The following FSHB variants were observed in gnomAD, a reference collection of about 807,000 sequenced individuals.
The protein encoded by FSHB is follitropin subunit beta.
A neutral mutation model predicts 12.1 loss-of-function variants in FSHB; 8 were observed. The observed-to-expected ratio is 0.66, with a 90% CI of 0.39 to 1.19. The LOEUF (loss-of-function observed/expected upper bound fraction) is 1.19, where lower values mean the gene tolerates loss of function less well. FSHB is among the 50% of genes most tolerant of loss of function. FSHB has a pLI of 0.01. For synonymous variants in FSHB, 55 were observed against 54.6 expected (o/e 1.01, Z -0.04); for missense variants, 153 against 157.2 (o/e 0.97, Z 0.14).
Position 30,233,677 on chromosome 11 carries a change from T to C in FSHB, c.267T>C (p.Asp89=), listed in dbSNP as rs1375387420. The C allele has an allele frequency of 1.2e-6, 2 of 1,614,014 alleles. No homozygotes were observed. The highest frequency in any genetic ancestry group is 2.2e-5 in the East Asian group (1 of 44,840). The change falls in exon 3 of 3, where the codon GAT becomes GAC. Residue 89 remains aspartate, a synonymous_variant. Coordinates refer to ENST00000533718, the MANE Select transcript of FSHB (RefSeq NM_001382289.1). Reference sequence around the variant, plus strand: ...TGCCCGGCTGTGCTCACCATGCAGATTCCTTGTATACATACCCAGTGGCCA... The same window carrying C: ...TGCCCGGCTGTGCTCACCATGCAGACTCCTTGTATACATACCCAGTGGCCA... ...VRVPGCAHHA[D]SLYTYPVATQ...
At position 30,233,961 on chromosome 11, in the gene FSHB, G is replaced by C; in HGVS notation, c.*161G>C. The C allele has an allele frequency of 3.0e-6, 2 of 675,218 alleles. No individual in the cohort carries two copies. Among genetic ancestry groups the C allele is most frequent in the South Asian group, 1.6e-5 (1 of 60,862 alleles). 41.8% of individuals were successfully genotyped at this position (675,218 alleles called of 1,614,324 possible). A position where few individuals can be genotyped will look rare whatever the true frequency, so the allele number is the denominator to read the frequency against. ...TGGCAGAGGGAACTCTGGGAATTGAGAGTGCTGGGGGCCAGGACTCCATCA... is the reference window on the plus strand; with the variant it reads ...TGGCAGAGGGAACTCTGGGAATTGACAGTGCTGGGGGCCAGGACTCCATCA... On this transcript the variant is annotated 3_prime_UTR_variant, in exon 3 of 3. Coordinates refer to ENST00000533718, the MANE Select transcript of FSHB (RefSeq NM_001382289.1).
In FSHB at chr11:30,233,684, T is replaced by A. The variant is rs1002953516; in HGVS notation, c.274T>A (p.Tyr92Asn). The change falls in exon 3 of 3, where the codon TAT becomes AAT. Residue 92 changes from tyrosine to asparagine, a missense_variant. Transcript: ENST00000533718. ...PGCAHHADSL[Y>N]TYPVATQCHC... The stretch of plus-strand genomic sequence containing the variant: ...CTGTGCTCACCATGCAGATTCCTTG[T>A]ATACATACCCAGTGGCCACCCAGTG... 1 of 1,614,050 alleles carries A rather than the reference T, an allele frequency of 6.2e-7. No individual in the cohort carries two copies.
intron 2 of FSHB, 124 bp downstream of exon 2, chr11:30,232,185 C>T: frequency 5.1e-6 from 5 of 981,298 alleles, no homozygotes; most frequent in Non-Finnish European, 7.8e-6. Flanking sequence ...TTAGCCAAGA[C>T]TGTCTGTGTT....
At position 30,233,513 on chromosome 11, in the gene FSHB, A is replaced by G. The variant is rs779966475; in HGVS notation, c.160-57A>G. On this transcript the variant is annotated intron_variant, in intron 2 of 2. Transcript: ENST00000533718. ...ATTCAATTTCTGTCTCATTTTGACT[A>G]AGCTAAATAGGAACTTCCACAATAC... is the stretch of plus-strand genomic sequence containing the variant. 6.1e-5 allele frequency: 84 copies of G among 1,375,834 alleles called. No individual in the cohort carries two copies. In the Middle Eastern group the frequency reaches 2.7e-3, roughly 44 times the overall value. 85.2% of individuals were successfully genotyped at this position (1,375,834 alleles called of 1,614,324 possible).
chr11:30,233,501 C>T (rs985306888), intron 2 of FSHB, 69 bp from the exon 3 acceptor site: 12 of 1,235,020 alleles, frequency 9.7e-6, no homozygotes, highest in Non-Finnish European at 1.4e-5. Context: ...CAATTTCTGT[C>T]TCATTTTGAC....
At chr11:30,231,548 A>G (rs1195624714) in intron 1 of FSHB, among the ~76,000 whole-genome samples, 1 of 152,206 alleles carries the variant, frequency 6.6e-6, no homozygotes, top group African/African-American at 2.4e-5. Flanking sequence ...CTTTAAAATA[A>G]TAATGGAAGA....
chr11:30,233,707 G>T lies in FSHB; in HGVS notation c.297G>T (p.Gln99His). 1 of 1,614,022 alleles carries T rather than the reference G, an allele frequency of 6.2e-7. No homozygotes were observed. Among genetic ancestry groups the T allele is most frequent in the Non-Finnish European group, 8.5e-7 (1 of 1,179,952 alleles). Residue 99 changes from glutamine (Q) to histidine (H), a missense_variant, in exon 3 of 3, where the codon CAG (glutamine) becomes CAT (histidine). Transcript: ENST00000533718. ...TGTATACATACCCAGTGGCCACCCA[G>T]TGTCACTGTGGCAAGTGTGACAGCG... ...DSLYTYPVAT[Q>H]CHCGKCDSDS... is the part of the protein sequence containing the mutation.
Position 30,234,034 on chromosome 11 carries a change from T to A in FSHB, c.*234T>A. ...GTCTGATTTCATAAGGTTTATTCAG[T>A]CTTAACTCACAGACTTGTGCCTGGT... On this transcript the variant is annotated 3_prime_UTR_variant, in exon 3 of 3. Coordinates refer to ENST00000533718, the MANE Select transcript of FSHB (RefSeq NM_001382289.1). The A allele has an allele frequency of 1.9e-6, 1 of 517,254 alleles. No individual in the cohort carries two copies. Among genetic ancestry groups the A allele is most frequent in the South Asian group, 2.1e-5 (1 of 48,250 alleles). 32.0% of individuals were successfully genotyped at this position (517,254 alleles called of 1,614,324 possible).
At chr11:30,232,719 C>T (rs1852025372) in intron 2 of FSHB, among the ~76,000 whole-genome samples, 1 of 152,142 alleles carries the variant, frequency 6.6e-6, no homozygotes, top group Non-Finnish European at 1.5e-5. Flanking sequence ...TTCCATGGTG[C>T]TTTCTTTTTT....
intron 2 of FSHB, among the ~76,000 whole-genome samples, chr11:30,233,282 G>A (rs934507489): frequency 6.6e-6 from 1 of 151,972 alleles, no homozygotes; most frequent in Admixed American, 6.6e-5. Context: ...TTAAAATCCT[G>A]TCATGTTTTT....
rs753590882 is a variant in FSHB, at chr11:30,234,275, G to A, written c.*475G>A. 5.5e-6 allele frequency: 1 copy of A among 180,242 alleles called. No homozygotes were observed. The highest frequency in any genetic ancestry group is 5.4e-5 in the Admixed American group (1 of 18,398). 11.2% of individuals were successfully genotyped at this position (180,242 alleles called of 1,614,324 possible). A position where few individuals can be genotyped will look rare whatever the true frequency, so the allele number is the denominator to read the frequency against. ...GCCTGGAACTTAGAAACACAACAAT[G>A]ACTTCTTTAGATCAGAAAGGTCAAG... On this transcript the variant is annotated 3_prime_UTR_variant, in exon 3 of 3. Coordinates refer to ENST00000533718, the MANE Select transcript of FSHB (RefSeq NM_001382289.1).
chr11:30,231,968 G>A lies in FSHB; in HGVS notation c.66G>A (p.Glu22=). The part of the protein sequence containing the change: ...CWKAICCNSC[E]LTNITIAIEK... ...AAGCAATCTGCTGCAATAGCTGTGA[G>A]CTGACCAACATCACCATTGCAATAG... is the stretch of plus-strand genomic sequence containing the variant. The change falls in exon 2 of 3, where the codon GAG becomes GAA. Residue 22 remains glutamate, a synonymous_variant. Transcript: ENST00000533718. 2.5e-6 allele frequency: 4 copies of A among 1,613,954 alleles called. No individual in the cohort carries two copies. The highest frequency in any genetic ancestry group is 3.4e-6 in the Non-Finnish European group (4 of 1,179,886).
At chr11:30,233,419 A>C in intron 2 of FSHB, 151 bp from the exon 3 acceptor site, 1 of 670,098 alleles carries the variant, frequency 1.5e-6, no homozygotes, top group Non-Finnish European at 2.7e-6. Context: ...AGAACAATTT[A>C]GAAATGTAAA....
In FSHB at chr11:30,233,893, C is replaced by A; in HGVS notation, c.*93C>A. Reference sequence around the variant, plus strand: ...GTGTGCAATGTGCCCAGGGGACAAACCACTGGATCAGGGGATTCAGACTCT... The same window carrying A: ...GTGTGCAATGTGCCCAGGGGACAAAACACTGGATCAGGGGATTCAGACTCT... On this transcript the variant is annotated 3_prime_UTR_variant, in exon 3 of 3. Transcript: ENST00000533718. 1 of 1,018,760 alleles carries A rather than the reference C, an allele frequency of 9.8e-7. No individual in the cohort carries two copies. The highest frequency in any genetic ancestry group is 1.5e-6 in the Non-Finnish European group (1 of 667,600). The allele number at this position is 1,018,760 out of a possible 1,614,324, so 63.1% of individuals were successfully genotyped here. A position where few individuals can be genotyped will look rare whatever the true frequency, so the allele number is the denominator to read the frequency against.
chr11:30,232,216 C>T (rs1195180558), intron 2 of FSHB, among the ~76,000 whole-genome samples, 155 bp downstream of exon 2: 2 of 152,082 alleles, frequency 1.3e-5, no homozygotes, highest in Admixed American at 6.6e-5. Context: ...TTAATGACCA[C>T]GATATCACTT....
In FSHB at chr11:30,233,683, G is replaced by T; in HGVS notation, c.273G>T (p.Leu91Phe). 6.2e-7 allele frequency: 1 copy of T among 1,614,022 alleles called. No homozygotes were observed. Among genetic ancestry groups the T allele is most frequent in the Non-Finnish European group, 8.5e-7 (1 of 1,179,946 alleles). The change falls in exon 3 of 3, where the codon TTG becomes TTT. Residue 91 changes from leucine to phenylalanine, a missense_variant. Coordinates refer to ENST00000533718, the MANE Select transcript of FSHB (RefSeq NM_001382289.1). ...GCTGTGCTCACCATGCAGATTCCTT[G>T]TATACATACCCAGTGGCCACCCAGT... Reference protein sequence around the residue: ...VPGCAHHADSLYTYPVATQCH... With the variant: ...VPGCAHHADSFYTYPVATQCH...
Position 30,233,658 on chromosome 11 carries a change from G to A in FSHB, c.248G>A (p.Gly83Asp). The change falls in exon 3 of 3, where the codon GGC becomes GAC. Residue 83 changes from glycine (G) to aspartate (D), a missense_variant. By Grantham distance (94) the Gly-to-Asp change is moderately conservative. Coordinates refer to ENST00000533718, the MANE Select transcript of FSHB (RefSeq NM_001382289.1). ...ELVYETVRVPGCAHHADSLYT... is the reference protein window; with the variant it reads ...ELVYETVRVPDCAHHADSLYT... ...GTATACGAAACAGTGAGAGTGCCCG[G>A]CTGTGCTCACCATGCAGATTCCTTG... 1 of 1,614,010 alleles carries A rather than the reference G, an allele frequency of 6.2e-7. No homozygotes were observed. The highest frequency in any genetic ancestry group is 1.1e-5 in the South Asian group (1 of 91,084).
Position 30,233,654 on chromosome 11 carries a change from C to G in FSHB, c.244C>G (p.Pro82Ala). 3 of 1,614,026 alleles carry G rather than the reference C, an allele frequency of 1.9e-6. No individual in the cohort carries two copies. Among genetic ancestry groups the G allele is most frequent in the Non-Finnish European group, 2.5e-6 (3 of 1,179,942 alleles). ...ACTGGTATACGAAACAGTGAGAGTG[C>G]CCGGCTGTGCTCACCATGCAGATTC... ...KELVYETVRV[P>A]GCAHHADSLY... is the part of the protein sequence containing the mutation. The change falls in exon 3 of 3, where the codon CCC becomes GCC. Residue 82 changes from proline (P) to alanine (A), a missense_variant. Transcript: ENST00000533718.
Position 30,233,564 on chromosome 11 carries a change from C to T in FSHB, c.160-6C>T, listed in dbSNP as rs772983312. ...CATAACCTAACTCTCTTCTTAAACT[C>T]CTCAGGATCTGGTGTATAAGGACCC... is the stretch of plus-strand genomic sequence containing the variant. On this transcript the variant is annotated splice_region_variant and splice_polypyrimidine_tract_variant and intron_variant, in intron 2 of 2. Transcript: ENST00000533718. The T allele has an allele frequency of 4.4e-6, 7 of 1,608,422 alleles. No individual in the cohort carries two copies. Among genetic ancestry groups the T allele is most frequent in the Non-Finnish European group, 6.0e-6 (7 of 1,174,864 alleles).
Sources: gnomAD v4.1 joint callset for allele counts (sites outside exome capture counted in the v4.1 genomes callset) on GRCh38, gnomAD v4.1.1 for gene constraint, MANE v1.5 for transcripts, NCBI Gene and HGNC (gene_info 2026-07-23, HGNC 2026-07-21) for gene names.